The following HOOK2 variants were observed in gnomAD, a reference collection of about 807,000 sequenced individuals.
HOOK2 encodes the protein protein Hook homolog 2.
Under a neutral mutation model 111.9 loss-of-function variants are expected in HOOK2, and 108 were observed. That is an observed-to-expected ratio of 0.96 (90% confidence interval 0.83 to 1.13). The LOEUF is 1.13. Among genes scored for constraint, HOOK2 ranks in the 50% most tolerant of loss-of-function variants. The pLI, the probability that HOOK2 is intolerant of heterozygous loss-of-function variation, is 0.00. For missense variants in HOOK2, 978 were observed against 951.3 expected, an observed-to-expected ratio of 1.03 and a Z score of -0.37; for synonymous variants, 405 against 394.3, an observed-to-expected ratio of 1.03 and a Z score of -0.32.
intron 10 of HOOK2, 105 bp downstream of exon 10, chr19:12,770,827 C>G (rs1968302966): frequency 9.2e-6 from 13 of 1,414,794 alleles, no homozygotes; most frequent in Non-Finnish European, 1.2e-5. Flanking sequence ...TGGGGGTTCA[C>G]TGGGCACATG....
intron 1 of HOOK2, 143 bp from the exon 2 acceptor site, chr19:12,775,040 T>C: frequency 9.0e-7 from 1 of 1,112,160 alleles, no homozygotes; most frequent in Non-Finnish European, 1.3e-6. Flanking sequence ...AGGGACTGGC[T>C]TCTGCTCACC....
upstream of HOOK2, among the ~76,000 whole-genome samples, chr19:12,777,167 T>C (rs763548879): frequency 3.3e-5 from 2 of 60,348 alleles, no homozygotes; most frequent in Non-Finnish European, 9.9e-5. Flanking sequence ...AAAAAATAAA[T>C]AAAATAAAAT....
intron 3 of HOOK2, among the ~76,000 whole-genome samples, chr19:12,788,955 G>C (rs1968680289): frequency 6.6e-6 from 1 of 152,122 alleles, no homozygotes; most frequent in Non-Finnish European, 1.5e-5. Context: ...AGCTTCTGCT[G>C]GGACCTTCCT....
chr19:12,766,401 C>A, intron 14 of HOOK2, 161 bp from the exon 15 acceptor site: 1 of 862,016 alleles, frequency 1.2e-6, no homozygotes, highest in Non-Finnish European at 1.7e-6. Context: ...TTCAGGTTCC[C>A]GGCCCAGGGT....
In HOOK2 at chr19:12,763,733, G is replaced by A. The variant is rs1968065724; in HGVS notation, c.1873C>T (p.Pro625Ser). 1 of 1,614,078 alleles carries A rather than the reference G, an allele frequency of 6.2e-7. No individual in the cohort carries two copies. Among genetic ancestry groups the A allele is most frequent in the African/African-American group, 1.3e-5 (1 of 74,938 alleles). ...EPKQRPAAGA[P>S]PELHSLRTQL... is the part of the protein sequence containing the mutation. ...GTCCTCAGGGAATGGAGTTCTGGAG[G>A]TGCCCCCGCAGCTGGCCGCTGCTTG... Residue 625 changes from proline (P) to serine (S), a missense_variant, in exon 21 of 23, where the codon CCT becomes TCT. Around this residue, in one of 5 missense-constraint regions of HOOK2, gnomAD observed 277 missense variants for 265.8 expected, o/e 1.04. Coordinates refer to ENST00000397668, the MANE Select transcript of HOOK2 (RefSeq NM_013312.3).
At chr19:12,781,028 C>T (rs1052322280), upstream of HOOK2, among the ~76,000 whole-genome samples, 2 of 141,784 alleles carry the variant, frequency 1.4e-5, no homozygotes, top group African/African-American at 5.2e-5. Context: ...GAAGGCTGGG[C>T]GCGGTGGCTC....
At position 12,763,656 on chromosome 19, in the gene HOOK2, G is replaced by A. The variant is rs1423597500; in HGVS notation, c.1938+12C>T. On this transcript the variant is annotated intron_variant, in intron 21 of 22. Coordinates refer to ENST00000397668, the MANE Select transcript of HOOK2 (RefSeq NM_013312.3). ...TACGTTGGAGGCAGCGTAAAGGGAC[G>A]AGGACACCCACCTCCAGGTGTCGGA... The A allele has an allele frequency of 3.7e-6, 6 of 1,613,910 alleles. No individual in the cohort carries two copies. Among genetic ancestry groups the A allele is most frequent in the African/African-American group, 1.3e-5 (1 of 75,050 alleles).
rs779053003 is a variant in HOOK2, at chr19:12,766,104, G to C, written c.1510C>G (p.Arg504Gly). Residue 504 changes from arginine to glycine, a missense_variant and splice_region_variant, in exon 15 of 23, where the codon CGG (arginine) becomes GGG (glycine). By Grantham distance (125) the Arg-to-Gly change is moderately radical. Around this residue, in one of 5 missense-constraint regions of HOOK2, gnomAD observed 388 missense variants for 358.3 expected, o/e 1.08. Transcript: ENST00000397668. Reference protein sequence around the residue: ...RARHGLETQHRLNQQQLSELR... With the variant: ...RARHGLETQHGLNQQQLSELR... ...GCAGGTAGGTCCCCAGGCGCTCACC[G>C]GTGCTGCGTCTCCAACCCGTGGCGC... 2 of 1,601,980 alleles carry C rather than the reference G, an allele frequency of 1.2e-6. No homozygotes were observed. The highest frequency in any genetic ancestry group is 1.3e-5 in the African/African-American group (1 of 74,862).
At chr19:12,765,756 G>A in intron 17 of HOOK2, 32 bp from the exon 18 acceptor site, 1 of 1,614,160 alleles carries the variant, frequency 6.2e-7, no homozygotes, top group Non-Finnish European at 8.5e-7. Flanking sequence ...GTGAGTGGGG[G>A]ATCCAGAGAG....
Position 12,775,450 on chromosome 19 carries a change from G to A in HOOK2, c.-1C>T. 6.2e-7 allele frequency: 1 copy of A among 1,612,012 alleles called. No individual in the cohort carries two copies. Among genetic ancestry groups the A allele is most frequent in the Non-Finnish European group, 8.5e-7 (1 of 1,179,410 alleles). On this transcript the variant is annotated 5_prime_UTR_variant, in exon 1 of 23. Coordinates refer to ENST00000397668, the MANE Select transcript of HOOK2 (RefSeq NM_013312.3). ...ATAGCTCAGCTTTGTCCACGCTCATGGCTCCCGATCGGATTCAATCCAGGC... is the reference window on the plus strand; with the variant it reads ...ATAGCTCAGCTTTGTCCACGCTCATAGCTCCCGATCGGATTCAATCCAGGC...
chr19:12,768,489 T>C (rs1236288696), intron 11 of HOOK2, among the ~76,000 whole-genome samples: 1 of 152,222 alleles, frequency 6.6e-6, no homozygotes, highest in African/African-American at 2.4e-5. Flanking sequence ...TAGTCAACGC[T>C]TTATTATAAA....
At chr19:12,788,726 C>T (rs1046391555) in intron 3 of HOOK2, among the ~76,000 whole-genome samples, 1 of 152,328 alleles carries the variant, frequency 6.6e-6, no homozygotes, top group African/African-American at 2.4e-5. Flanking sequence ...TGCCCAACCC[C>T]CCAACGCTGC....
In HOOK2 at chr19:12,767,899, A is replaced by G. The variant is rs1968204899; in HGVS notation, c.1220T>C (p.Leu407Pro). Residue 407 changes from leucine (L) to proline (P), a missense_variant, in exon 13 of 23, where the codon CTG (leucine) becomes CCG (proline). By Grantham distance (98) the Leu-to-Pro change is moderately conservative (BLOSUM62 -3). Around this residue, in one of 5 missense-constraint regions of HOOK2, gnomAD observed 388 missense variants for 358.3 expected, o/e 1.08. Transcript: ENST00000397668. Reference protein sequence around the residue: ...YESVTKEKERLLAERDSLREA... With the variant: ...YESVTKEKERPLAERDSLREA... Reference sequence around the variant, plus strand: ...CCGCAAGGAGTCCCGCTCCGCCAACAGCCGCTGCAGGGACAGGGTACAAGA... The same window carrying G: ...CCGCAAGGAGTCCCGCTCCGCCAACGGCCGCTGCAGGGACAGGGTACAAGA... 1 of 1,610,702 alleles carries G rather than the reference A, an allele frequency of 6.2e-7. No individual in the cohort carries two copies. The highest frequency in any genetic ancestry group is 2.2e-5 in the East Asian group (1 of 44,856).
rs567077521 is a variant in HOOK2 at position 12,772,829 on chromosome 19, C to T, written c.339G>A (p.Lys113=). Residue 113 remains lysine, a synonymous_variant, in exon 5 of 23, where the codon AAG becomes AAA. Coordinates refer to ENST00000397668, the MANE Select transcript of HOOK2 (RefSeq NM_013312.3). The part of the protein sequence containing the change: ...GEFSDPAELG[K]LLQLVLGCAI... ...CACAGCCCAGCACCAGCTGAAGCAGCTTGCCGAGCTCTGCCGGGTCTGAGA... is the reference window on the plus strand; with the variant it reads ...CACAGCCCAGCACCAGCTGAAGCAGTTTGCCGAGCTCTGCCGGGTCTGAGA... 3 of 1,614,242 alleles carry T rather than the reference C, an allele frequency of 1.9e-6. No homozygotes were observed. The highest frequency in any genetic ancestry group is 1.7e-5 in the Admixed American group (1 of 60,034).
chr19:12,769,886 G>A lies in HOOK2; in HGVS notation c.1099C>T (p.Arg367Trp), dbSNP rs1420431724. 17 of 1,455,670 alleles carry A rather than the reference G, an allele frequency of 1.2e-5. No individual in the cohort carries two copies. The South Asian group carries it at 1.8e-4, about 15-fold the overall frequency. The allele number at this position is 1,455,670 out of a possible 1,614,324, so 90.2% of individuals were successfully genotyped here. The part of the protein sequence containing the change: ...SLRAQLEAQR[R>W]QVQELQGQRQ... ...TAACCCCGCCCCCGCCGCACCTGCC[G>A]CCGCTGCGCCTCCAGCTGGGCGCGC... Residue 367 changes from arginine to tryptophan, a missense_variant, in exon 11 of 23, where the codon CGG becomes TGG. By Grantham distance (101) the Arg-to-Trp change is moderately radical. Transcript: ENST00000397668.
At chr19:12,770,908 G>T in intron 10 of HOOK2, 24 bp downstream of exon 10, 1 of 1,576,236 alleles carries the variant, frequency 6.3e-7, no homozygotes, top group Non-Finnish European at 8.7e-7. Context: ...CCCCGTGATG[G>T]GGACCCAGGA....
chr19:12,767,292 C>T (rs1254626092), intron 14 of HOOK2, 103 bp downstream of exon 14: 9 of 993,050 alleles, frequency 9.1e-6, no homozygotes, highest in Non-Finnish European at 1.2e-5. Context: ...GGAGCTGAGA[C>T]CAAGCAACCG....
rs139576838 is a variant in HOOK2, at chr19:12,764,860, C to T, written c.1781G>A (p.Arg594Gln). The T allele has an allele frequency of 1.2e-6, 2 of 1,614,056 alleles. No homozygotes were observed. The highest frequency in any genetic ancestry group is 1.7e-6 in the Non-Finnish European group (2 of 1,180,032). Reference sequence around the variant, plus strand: ...GCGGCGGTATCGCTCCTCCATGGCCCGCAAGTCCGCGTCCTTCTTCTGCAA... The same window carrying T: ...GCGGCGGTATCGCTCCTCCATGGCCTGCAAGTCCGCGTCCTTCTTCTGCAA... ...HNLQKKDADL[R>Q]AMEERYRRYV... Residue 594 changes from arginine to glutamine, a missense_variant, in exon 20 of 23, where the codon CGG becomes CAG. Transcript: ENST00000397668.
At position 12,771,321 on chromosome 19, in the gene HOOK2, T is replaced by C; in HGVS notation, c.601-2A>G. The C allele has an allele frequency of 6.2e-7, 1 of 1,604,238 alleles. No individual in the cohort carries two copies. The highest frequency in any genetic ancestry group is 8.5e-7 in the Non-Finnish European group (1 of 1,174,968). ...CTTCTCCTCTGACAGGAGCATCAGC[T>C]GCGGGCAGGGCAGAAAGATGAGCTT... On this transcript the variant is annotated splice_acceptor_variant, in intron 8 of 22. Transcript: ENST00000397668. LOFTEE classifies it high-confidence loss of function.
Sources: gnomAD v4.1 joint callset for allele counts (sites outside exome capture counted in the v4.1 genomes callset) on GRCh38, gnomAD v4.1.1 for gene constraint, gnomAD v4.1.1 regional missense constraint, MANE v1.5 for transcripts, NCBI Gene and HGNC (gene_info 2026-07-23, HGNC 2026-07-21) for gene names.